The following NKAIN3 variants were observed in gnomAD, a reference collection of about 807,000 sequenced individuals.
The protein encoded by NKAIN3 is sodium/potassium transporting ATPase interacting 3, also known as sodium/potassium-transporting ATPase subunit beta-1-interacting protein 3.
Under a neutral mutation model 30.2 loss-of-function variants are expected in NKAIN3, and 25 were observed. The ratio of observed to expected loss-of-function variants is 0.83; its 90% CI spans 0.60 to 1.16. The LOEUF is 1.16. Among genes scored for constraint, NKAIN3 ranks in the 50% most tolerant of loss-of-function variants. The pLI is 0.00. For missense variants in NKAIN3, 225 were observed against 254.1 expected (o/e 0.89, Z 0.78); for synonymous variants, 91 against 89.6 (o/e 1.02, Z -0.09).
chr8:62,818,646 T>C (rs938255467), intron 4 of NKAIN3, among the ~76,000 whole-genome samples: 4 of 152,104 alleles, frequency 2.6e-5, no homozygotes, highest in African/African-American at 9.7e-5. Context: ...ATTAATAAGA[T>C]AGAATTTCTT....
chr8:62,758,218 G>A (rs12546333), intron 4 of NKAIN3, among the ~76,000 whole-genome samples: 31,594 of 152,048 alleles, frequency 0.21, 4,109 homozygotes, highest in South Asian at 0.36. Context: ...CAAAGTGAGA[G>A]ACTCTGCCAG....
intron 1 of NKAIN3, chr8:62,483,080 A>G (rs1215281417): frequency 1.3e-5 from 2 of 152,210 alleles, no homozygotes; most frequent in Non-Finnish European, 2.9e-5. Context: ...CAACTTGAAG[A>G]TTTTGAATAA....
chr8:62,989,507 T>C (rs1563656821), downstream of NKAIN3, among the ~76,000 whole-genome samples: 1 of 152,120 alleles, frequency 6.6e-6, no homozygotes, highest in African/African-American at 2.4e-5. Flanking sequence ...ACTTATTCAC[T>C]ATCACAAGAT....
intron 4 of NKAIN3, among the ~76,000 whole-genome samples, chr8:62,750,136 G>A (rs756460991): frequency 1.3e-5 from 2 of 152,042 alleles, no homozygotes; most frequent in Non-Finnish European, 2.9e-5. Context: ...TAGAGGGGCA[G>A]CTTCGAGAAA....
At chr8:62,806,620 C>T (rs1477395056) in intron 4 of NKAIN3, among the ~76,000 whole-genome samples, 1 of 151,934 alleles carries the variant, frequency 6.6e-6, no homozygotes, top group African/African-American at 2.4e-5. Flanking sequence ...CACATGGACA[C>T]TGGAATGAGA....
intron 1 of NKAIN3, among the ~76,000 whole-genome samples, chr8:62,325,402 T>A (rs1275205695): frequency 1.3e-5 from 2 of 152,140 alleles, no homozygotes; most frequent in Non-Finnish European, 1.5e-5. Context: ...CTTAGGTTGG[T>A]TCCATATTTT....
At chr8:62,599,876 C>T (rs1003390525) in intron 3 of NKAIN3, among the ~76,000 whole-genome samples, 2 of 152,018 alleles carry the variant, frequency 1.3e-5, no homozygotes, top group African/African-American at 4.8e-5. Flanking sequence ...TCTTGCCACA[C>T]TTTAAGATCA....
intron 1 of NKAIN3, among the ~76,000 whole-genome samples, chr8:62,308,815 T>C (rs749690649): frequency 6.6e-6 from 1 of 150,388 alleles, no homozygotes. Context: ...AATTCAGAAA[T>C]AGAAATTTCA....
At chr8:62,750,155 G>C (rs1816230361) in intron 4 of NKAIN3, among the ~76,000 whole-genome samples, 1 of 152,058 alleles carries the variant, frequency 6.6e-6, no homozygotes, top group African/African-American at 2.4e-5. Flanking sequence ...AAGGGCAGGG[G>C]CTCGGCGGCT....
At chr8:62,325,408 A>G (rs1338805820) in intron 1 of NKAIN3, among the ~76,000 whole-genome samples, 3 of 151,890 alleles carry the variant, frequency 2.0e-5, no homozygotes, top group Admixed American at 6.6e-5. Flanking sequence ...TTGGTTCCAT[A>G]TTTTTGCAAT....
In NKAIN3 at chr8:62,769,199, A is replaced by AG. The variant is rs369945229; in HGVS notation, c.471+22071dup. Among the ~76,000 whole-genome samples, 977 of 152,356 alleles carry AG rather than the reference A, an allele frequency of 6.4e-3. 10 individuals are homozygous for AG. Among genetic ancestry groups the AG allele is most frequent in the African/African-American group, 0.022 (917 of 41,576 alleles). On this transcript the variant is annotated intron_variant, in intron 4 of 6. Transcript: ENST00000623646. ...ATGGAAAACTTTTTATTGCAAAGAAAGTTCTTAATGAAAAAGTTAAATAAG... is the reference window on the plus strand; with the variant it reads ...ATGGAAAACTTTTTATTGCAAAGAAAGGTTCTTAATGAAAAAGTTAAATAAG...
chr8:62,745,675 A>AT (rs1486155572), intron 3 of NKAIN3, among the ~76,000 whole-genome samples: 3 of 152,112 alleles, frequency 2.0e-5, no homozygotes, highest in Non-Finnish European at 4.4e-5. Flanking sequence ...AAACCAGGCT[A>AT]TTTTTTCCAT....
chr8:62,798,383 A>G (rs750157857), intron 4 of NKAIN3, among the ~76,000 whole-genome samples: 2 of 152,128 alleles, frequency 1.3e-5, no homozygotes, highest in Non-Finnish European at 2.9e-5. Context: ...CATCCTGGCT[A>G]ACACGGTGAA....
chr8:62,727,682 G>A (rs1368404229), intron 3 of NKAIN3, among the ~76,000 whole-genome samples: 1 of 152,108 alleles, frequency 6.6e-6, no homozygotes, highest in East Asian at 1.9e-4. Context: ...AAATTCTGAT[G>A]AAAGAAATCC....
At chr8:62,544,674 A>G (rs570310628) in intron 1 of NKAIN3, among the ~76,000 whole-genome samples, 1 of 151,858 alleles carries the variant, frequency 6.6e-6, no homozygotes, top group East Asian at 1.9e-4. Flanking sequence ...TTTGTTTTAT[A>G]TTTTCCCAGA....
At chr8:62,283,131 T>A (rs1291482938) in intron 1 of NKAIN3, among the ~76,000 whole-genome samples, 1 of 152,182 alleles carries the variant, frequency 6.6e-6, no homozygotes, top group Non-Finnish European at 1.5e-5. Flanking sequence ...TAACACTGAT[T>A]ATGGAAGACA....
chr8:62,892,638 A>G (rs577278029), intron 4 of NKAIN3, among the ~76,000 whole-genome samples: 1 of 152,314 alleles, frequency 6.6e-6, no homozygotes, highest in African/African-American at 2.4e-5. Context: ...ACTCTTAAAT[A>G]TAAAGATTAG....
chr8:62,370,273 A>G (rs1816867382), intron 1 of NKAIN3, among the ~76,000 whole-genome samples: 1 of 152,018 alleles, frequency 6.6e-6, no homozygotes, highest in African/African-American at 2.4e-5. Context: ...TTGACTACAA[A>G]CCAGACCAGC....
chr8:62,736,733 G>T (rs149727682), intron 3 of NKAIN3, among the ~76,000 whole-genome samples: 1 of 152,188 alleles, frequency 6.6e-6, no homozygotes, highest in African/African-American at 2.4e-5. Flanking sequence ...GGAAAACTTC[G>T]CATTCAGTCA....
Sources: allele counts gnomAD v4.1 joint callset (sites outside exome capture counted in the v4.1 genomes callset), GRCh38; gene constraint gnomAD v4.1.1; transcripts MANE v1.5; gene names NCBI Gene and HGNC (gene_info 2026-07-23, HGNC 2026-07-21).